The following GUF1 variants were observed in gnomAD, a reference collection of about 807,000 sequenced individuals.
GUF1 encodes GTP binding elongation factor GUF1, also known as translation factor GUF1, mitochondrial.
GUF1 carries 78 observed loss-of-function variants against 82.4 expected under a neutral mutation model. That is an observed-to-expected ratio of 0.95 (90% CI 0.79 to 1.14). The LOEUF (loss-of-function observed/expected upper bound fraction) is 1.14. Ranked by LOEUF, GUF1 falls within the 50% of genes most tolerant of loss-of-function variation. GUF1 has a pLI of 0.00. For missense variants in GUF1, 814 were observed against 798.2 expected, an observed-to-expected ratio of 1.02 and a Z score of -0.24; for synonymous variants, 279 against 282.3, an observed-to-expected ratio of 0.99 and a Z score of 0.12.
At chr4:44,696,062 T>A (rs1023194733) in intron 15 of GUF1, among the ~76,000 whole-genome samples, 2 of 143,222 alleles carry the variant, frequency 1.4e-5, no homozygotes, top group African/African-American at 5.0e-5. Context: ...AGATTATAGA[T>A]TAATAGAAAC....
Position 44,689,424 on chromosome 4 carries a change from CAT to C in GUF1, c.1202+16_1202+17del. On this transcript the variant is annotated intron_variant, in intron 10 of 16. Coordinates refer to ENST00000281543, the MANE Select transcript of GUF1 (RefSeq NM_021927.3). Reference sequence around the variant, plus strand: ...GCTGGCTGGAGGTAAGATTCATTCACATGTGTTTTATAGGAAAGGGAGGTGTA... The same window carrying C: ...GCTGGCTGGAGGTAAGATTCATTCACGTGTTTTATAGGAAAGGGAGGTGTA... 2 of 1,592,424 alleles carry C rather than the reference CAT, an allele frequency of 1.3e-6. No homozygotes were observed. Among genetic ancestry groups the C allele is most frequent in the Non-Finnish European group, 1.7e-6 (2 of 1,169,642 alleles).
intron 6 of GUF1, among the ~76,000 whole-genome samples, chr4:44,685,503 G>A (rs971282416): frequency 1.3e-5 from 2 of 152,028 alleles, no homozygotes; most frequent in Admixed American, 1.3e-4. Context: ...TGCTTTTCTG[G>A]TGTGAGAACA....
intron 13 of GUF1, among the ~76,000 whole-genome samples, chr4:44,692,536 A>G (rs930305042): frequency 2.0e-5 from 3 of 151,956 alleles, no homozygotes; most frequent in African/African-American, 7.2e-5. Flanking sequence ...GGAAAAATGA[A>G]CATTGACATC....
intron 15 of GUF1, among the ~76,000 whole-genome samples, chr4:44,696,047 T>A (rs1189909049): frequency 6.6e-6 from 1 of 152,016 alleles, no homozygotes; most frequent in Non-Finnish European, 1.5e-5. Flanking sequence ...TTTATCCCTT[T>A]AGGTAGATTA....
In GUF1 at chr4:44,680,456, T is replaced by C; in HGVS notation, c.181T>C (p.Ser61Pro). 1.3e-6 allele frequency: 2 copies of C among 1,595,188 alleles called. No individual in the cohort carries two copies. Among genetic ancestry groups the C allele is most frequent in the Non-Finnish European group, 1.7e-6 (2 of 1,166,666 alleles). Reference protein sequence around the residue: ...SAEFKEKLDMSRFPVENIRNF... With the variant: ...SAEFKEKLDMPRFPVENIRNF... ...CCCTTTCTAGGAAAAACTTGACATG[T>C]CTAGGTTTCCTGTTGAAAATATTAG... Residue 61 changes from serine to proline, a missense_variant, in exon 2 of 17, where the codon TCT (serine) becomes CCT (proline). Transcript: ENST00000281543.
chr4:44,690,615 T>G, intron 11 of GUF1, 102 bp from the exon 12 acceptor site: 1 of 632,240 alleles, frequency 1.6e-6, no homozygotes, highest in Non-Finnish European at 2.7e-6. Flanking sequence ...TTATTAATAT[T>G]AAATGATTAC....
chr4:44,683,406 C>A (rs1212938526), intron 6 of GUF1, 88 bp downstream of exon 6: 29 of 670,182 alleles, frequency 4.3e-5, no homozygotes, highest in Non-Finnish European at 6.8e-5. Context: ...GATAACCTGG[C>A]ATTATATGCT....
intron 1 of GUF1, among the ~76,000 whole-genome samples, chr4:44,679,940 T>G (rs914361023): frequency 2.0e-5 from 3 of 152,176 alleles, no homozygotes; most frequent in African/African-American, 7.2e-5. Context: ...CTTTTTTTCT[T>G]TCTCACCAGA....
In GUF1 at chr4:44,698,900, C is replaced by T. The variant is rs1409600666; in HGVS notation, c.*219C>T. 14 of 424,296 alleles carry T rather than the reference C, an allele frequency of 3.3e-5. No individual in the cohort carries two copies. The highest frequency in any genetic ancestry group is 1.9e-4 in the African/African-American group (9 of 48,550). 26.3% of individuals were successfully genotyped at this position (424,296 alleles called of 1,614,324 possible). On this transcript the variant is annotated 3_prime_UTR_variant, in exon 17 of 17. Coordinates refer to ENST00000281543, the MANE Select transcript of GUF1 (RefSeq NM_021927.3). ...TCCAACCACTCACTAGTAAGGTGAC[C>T]GTGGCCAGATTAACCTTTGTTTCCT... is the stretch of plus-strand genomic sequence containing the variant.
chr4:44,679,211 A>T (rs1714625380), intron 1 of GUF1, among the ~76,000 whole-genome samples: 2 of 152,226 alleles, frequency 1.3e-5, no homozygotes, highest in Admixed American at 6.5e-5. Context: ...TTGAATGCAG[A>T]ACTGATCAAA....
intron 13 of GUF1, among the ~76,000 whole-genome samples, chr4:44,692,477 C>T (rs1035035724): frequency 4.0e-5 from 6 of 151,536 alleles, no homozygotes; most frequent in Non-Finnish European, 8.9e-5. Flanking sequence ...TCTTATGTTA[C>T]GGGATAGTAT....
At position 44,685,545 on chromosome 4, in the gene GUF1, A is replaced by T. The variant is rs35748542; in HGVS notation, c.670-414A>T. On this transcript the variant is annotated intron_variant, in intron 6 of 16. Transcript: ENST00000281543. ...TAGTAGTAAGATGCCTTATGGTTTTATGCCATCCACATACATTGTTTATCC... is the reference window on the plus strand; with the variant it reads ...TAGTAGTAAGATGCCTTATGGTTTTTTGCCATCCACATACATTGTTTATCC... Among the ~76,000 whole-genome samples the T allele has an allele frequency of 6.2e-3, 940 of 152,194 alleles. 2 individuals carry two copies. The highest frequency in any genetic ancestry group is 0.01 in the Non-Finnish European group (703 of 67,938).
At chr4:44,681,615 A>T (rs999092800) in intron 4 of GUF1, among the ~76,000 whole-genome samples, 2 of 152,152 alleles carry the variant, frequency 1.3e-5, no homozygotes, top group Non-Finnish European at 2.9e-5. Context: ...TTAGGTTTTT[A>T]AAAAATCAGT....
At chr4:44,685,286 C>G (rs982242016) in intron 6 of GUF1, among the ~76,000 whole-genome samples, 1 of 152,074 alleles carries the variant, frequency 6.6e-6, no homozygotes, top group African/African-American at 2.4e-5. Flanking sequence ...ATGAGGTGCC[C>G]TGGTTGCTGC....
In GUF1 at chr4:44,689,346, CTT is replaced by C. The variant is rs754024101; in HGVS notation, c.1141_1142del (p.Leu381LysfsTer2). 1 of 1,610,736 alleles carries C rather than the reference CTT, an allele frequency of 6.2e-7. No individual in the cohort carries two copies. ...CTGAAGAGTGCTATAGAAAAACTGA[CTT>C]TAAATGATTCCAGTGTGACCGTTCA... On this transcript the variant is annotated frameshift_variant, in exon 10 of 17. Transcript: ENST00000281543. LOFTEE classifies it high-confidence loss of function.
rs2109679059 is a variant in GUF1 at position 44,699,912 on chromosome 4, A to G, written c.*1231A>G. ...TAATAATTATTGTCTAAATTTCATA[A>G]TCGAAGCGATTTTAGAGTAGTTAAC... On this transcript the variant is annotated 3_prime_UTR_variant, in exon 17 of 17. Coordinates refer to ENST00000281543, the MANE Select transcript of GUF1 (RefSeq NM_021927.3). 1 of 152,346 alleles carries G rather than the reference A, an allele frequency of 6.6e-6. No individual in the cohort carries two copies. Among genetic ancestry groups the G allele is most frequent in the East Asian group, 1.9e-4 (1 of 5,180 alleles). The allele number at this position is 152,346 out of a possible 1,614,324, so 9.4% of individuals were successfully genotyped here.
chr4:44,687,567 G>C (rs182138898), intron 8 of GUF1, among the ~76,000 whole-genome samples: 3 of 151,520 alleles, frequency 2.0e-5, no homozygotes, highest in African/African-American at 7.3e-5. Flanking sequence ...GCTACAGGAG[G>C]AATATCAAGT....
Position 44,678,687 on chromosome 4 carries a change from C to G in GUF1, c.65C>G (p.Ala22Gly), listed in dbSNP as rs777045421. ...ARALAPRATGAALLVAPGPRS... is the reference protein window; with the variant it reads ...ARALAPRATGGALLVAPGPRS... Reference sequence around the variant, plus strand: ...GCTCTCGCGCCACGAGCCACTGGGGCCGCGCTTCTGGTGGCCCCGGGGCCC... The same window carrying G: ...GCTCTCGCGCCACGAGCCACTGGGGGCGCGCTTCTGGTGGCCCCGGGGCCC... Residue 22 changes from alanine (A) to glycine (G), a missense_variant, in exon 1 of 17, where the codon GCC (alanine) becomes GGC (glycine). Coordinates refer to ENST00000281543, the MANE Select transcript of GUF1 (RefSeq NM_021927.3). 4 of 1,502,398 alleles carry G rather than the reference C, an allele frequency of 2.7e-6. No individual in the cohort carries two copies. The African/African-American group carries it at 4.4e-5, about 17-fold the overall frequency. The allele number at this position is 1,502,398 out of a possible 1,614,324, so 93.1% of individuals were successfully genotyped here.
rs914833499 is a variant in GUF1, at chr4:44,678,468, A to C, written c.-155A>C. 7 of 558,946 alleles carry C rather than the reference A, an allele frequency of 1.3e-5. No individual in the cohort carries two copies. Among genetic ancestry groups the C allele is most frequent in the Non-Finnish European group, 2.0e-5 (7 of 358,098 alleles). The allele number at this position is 558,946 out of a possible 1,614,324, so 34.6% of individuals were successfully genotyped here. A position where few individuals can be genotyped will look rare whatever the true frequency, so the allele number is the denominator to read the frequency against. On this transcript the variant is annotated 5_prime_UTR_variant, in exon 1 of 17. Transcript: ENST00000281543. Reference sequence around the variant, plus strand: ...GCTTCGGGTTGCTTCCGGATCTGGTACTTGGGCAGAGCTCCCCGGGGTTCA... The same window carrying C: ...GCTTCGGGTTGCTTCCGGATCTGGTCCTTGGGCAGAGCTCCCCGGGGTTCA...
Sources: allele counts gnomAD v4.1 joint callset (sites outside exome capture counted in the v4.1 genomes callset), GRCh38; gene constraint gnomAD v4.1.1; transcripts MANE v1.5; gene names NCBI Gene and HGNC (gene_info 2026-07-23, HGNC 2026-07-21).